PARD3B: variants seen among roughly 807,000 people sequenced by gnomAD.
PARD3B encodes par-3 family cell polarity regulator beta, also known as partitioning defective 3 homolog B.
A neutral mutation model predicts 130.2 loss-of-function variants in PARD3B; 103 were observed. That is an observed-to-expected ratio of 0.79 (90% CI 0.67 to 0.93). The LOEUF is 0.93. PARD3B is among the 40% of genes least tolerant of loss of function. The probability of loss-of-function intolerance (pLI) is 0.00; values close to 1 mark genes in which losing one functional copy is unlikely to be tolerated. For synonymous variants in PARD3B, 583 were observed against 553.2 expected (o/e 1.05, Z -0.76); for missense variants, 1,609 against 1,499.2 (o/e 1.07, Z -1.21).
At chr2:205,582,688 G>A (rs750686874) in intron 22 of PARD3B, among the ~76,000 whole-genome samples, 5 of 148,786 alleles carry the variant, frequency 3.4e-5, no homozygotes, top group Non-Finnish European at 4.4e-5. Context: ...TTTTTCCTAC[G>A]TGTCTAGGGA....
chr2:204,964,116 A>G (rs1251321274), intron 2 of PARD3B, among the ~76,000 whole-genome samples: 8 of 152,194 alleles, frequency 5.3e-5, no homozygotes, highest in Non-Finnish European at 8.8e-5. Flanking sequence ...GGTTTGTTTT[A>G]CTTAATGAAT....
intron 4 of PARD3B, among the ~76,000 whole-genome samples, chr2:205,060,297 T>A (rs966289538): frequency 3.3e-5 from 5 of 152,152 alleles, no homozygotes; most frequent in Non-Finnish European, 7.4e-5. Flanking sequence ...CCAAAATCTA[T>A]ATTGTACAGT....
At chr2:205,170,574 T>C (rs1295171714) in intron 11 of PARD3B, among the ~76,000 whole-genome samples, 1 of 152,080 alleles carries the variant, frequency 6.6e-6, no homozygotes, top group African/African-American at 2.4e-5. Context: ...GCAGGCGGCG[T>C]GGGCAGTGTG....
chr2:204,843,119 A>T (rs1016984271), intron 2 of PARD3B, among the ~76,000 whole-genome samples: 4 of 152,080 alleles, frequency 2.6e-5, no homozygotes, highest in African/African-American at 9.7e-5. Flanking sequence ...GGTGAAGGTG[A>T]TGCCGCTAAA....
intron 2 of PARD3B, among the ~76,000 whole-genome samples, chr2:204,898,612 G>A (rs2046732447): frequency 6.6e-6 from 1 of 152,114 alleles, no homozygotes; most frequent in Admixed American, 6.5e-5. Flanking sequence ...TGGGTGAAAC[G>A]TTCTGTAAAT....
intron 19 of PARD3B, among the ~76,000 whole-genome samples, chr2:205,403,709 C>T (rs1029686363): frequency 1.3e-5 from 2 of 152,100 alleles, no homozygotes; most frequent in African/African-American, 4.8e-5. Context: ...ATACACAAGC[C>T]CAAGGTGATT....
At chr2:205,120,457 T>C (rs1183694145) in intron 7 of PARD3B, among the ~76,000 whole-genome samples, 1 of 152,094 alleles carries the variant, frequency 6.6e-6, no homozygotes, top group Non-Finnish European at 1.5e-5. Flanking sequence ...CGGGGTAGGG[T>C]TTAAGGAATC....
chr2:205,016,445 C>T (rs901852420), intron 3 of PARD3B, among the ~76,000 whole-genome samples: 12 of 152,138 alleles, frequency 7.9e-5, no homozygotes, highest in Admixed American at 2.6e-4. Context: ...GAGGAACCTG[C>T]CCAGAGGAGA....
intron 1 of PARD3B, among the ~76,000 whole-genome samples, chr2:204,561,899 C>T (rs921050251): frequency 5.3e-5 from 8 of 152,068 alleles, no homozygotes; most frequent in African/African-American, 1.9e-4. Context: ...GCCCGGCCAT[C>T]TCCCCTGTAT....
At chr2:205,386,467 T>G (rs2045663948) in intron 18 of PARD3B, among the ~76,000 whole-genome samples, 1 of 152,118 alleles carries the variant, frequency 6.6e-6, no homozygotes. Flanking sequence ...ACTCTGTCTG[T>G]GAACAAGCGT....
At chr2:205,162,475 C>G (rs2034560342) in intron 11 of PARD3B, among the ~76,000 whole-genome samples, 1 of 152,248 alleles carries the variant, frequency 6.6e-6, no homozygotes, top group Non-Finnish European at 1.5e-5. Context: ...TGCCTAAGCA[C>G]TAGCATGCAT....
chr2:204,545,943 C>A lies in PARD3B; in HGVS notation c.-57C>A, dbSNP rs2029892164. 6.8e-7 allele frequency: 1 copy of A among 1,468,980 alleles called. No homozygotes were observed. Among genetic ancestry groups the A allele is most frequent in the East Asian group, 2.7e-5 (1 of 36,750 alleles). 91.0% of individuals were successfully genotyped at this position (1,468,980 alleles called of 1,614,324 possible). A position where few individuals can be genotyped will look rare whatever the true frequency, so the allele number is the denominator to read the frequency against. On this transcript the variant is annotated 5_prime_UTR_variant, in exon 1 of 23. Transcript: ENST00000406610. ...GGGCGTCCTCCGAGAGTGGGGGCTGCGCCCGCGGGGTCAGACACCTGTTCG... is the reference window on the plus strand; with the variant it reads ...GGGCGTCCTCCGAGAGTGGGGGCTGAGCCCGCGGGGTCAGACACCTGTTCG...
At chr2:205,516,991 T>C (rs977046772) in intron 21 of PARD3B, among the ~76,000 whole-genome samples, 2 of 152,206 alleles carry the variant, frequency 1.3e-5, no homozygotes, top group Non-Finnish European at 2.9e-5. Flanking sequence ...CTGAATTTTA[T>C]CATAAACCTT....
chr2:205,293,714 T>C (rs371433932), intron 16 of PARD3B: 2 of 152,338 alleles, frequency 1.3e-5, no homozygotes, highest in East Asian at 1.9e-4. Context: ...GAGGAAGCTG[T>C]ATGTGGGCTT....
rs138189007 is a variant in PARD3B, at chr2:204,654,066, C to T, written c.121-32115C>T. Among the ~76,000 whole-genome samples the T allele has an allele frequency of 4.6e-4, 69 of 151,340 alleles. 6 individuals are homozygous for T. Among genetic ancestry groups the T allele is most frequent in the African/African-American group, 1.6e-3 (65 of 40,638 alleles). On this transcript the variant is annotated intron_variant, in intron 1 of 22. Coordinates refer to ENST00000406610, the MANE Select transcript of PARD3B (RefSeq NM_001302769.2). ...GTCTTCATTGGCTACTGCATCTTCA[C>T]GTCTTATTGTGTGGTCCTCTTTATC...
At chr2:205,399,351 T>TTTTG (rs1002976062) in intron 18 of PARD3B, among the ~76,000 whole-genome samples, 1 of 151,980 alleles carries the variant, frequency 6.6e-6, no homozygotes, top group Non-Finnish European at 1.5e-5. Context: ...GTGTGTTTTG[T>TTTTG]TTTGTTTGTT....
intron 18 of PARD3B, among the ~76,000 whole-genome samples, chr2:205,302,741 G>A (rs900647924): frequency 6.6e-6 from 1 of 152,088 alleles, no homozygotes; most frequent in African/African-American, 2.4e-5. Flanking sequence ...AGGCACTGTG[G>A]TACAGGGGAG....
intron 19 of PARD3B, among the ~76,000 whole-genome samples, chr2:205,437,215 TAG>T (rs2047549493): frequency 6.6e-6 from 1 of 152,154 alleles, no homozygotes; most frequent in African/African-American, 2.4e-5. Flanking sequence ...CCACTGTAGA[TAG>T]AATTTTCTTC....
intron 1 of PARD3B, among the ~76,000 whole-genome samples, chr2:204,624,661 G>A (rs1488959168): frequency 1.3e-5 from 2 of 151,966 alleles, no homozygotes; most frequent in Admixed American, 1.3e-4. Flanking sequence ...CCAGTTTTTG[G>A]TTATCATAAA....
Sources: gnomAD v4.1 joint callset for allele counts (sites outside exome capture counted in the v4.1 genomes callset) on GRCh38, gnomAD v4.1.1 for gene constraint, MANE v1.5 for transcripts, NCBI Gene and HGNC (gene_info 2026-07-23, HGNC 2026-07-21) for gene names.